LRRC4C: variants seen among roughly 807,000 people sequenced by gnomAD.
LRRC4C encodes leucine-rich repeat-containing protein 4C.
In LRRC4C, 5 loss-of-function variants were observed where a neutral mutation model predicts 33.6. The observed-to-expected ratio is 0.15, with a 90% CI of 0.08 to 0.31. The LOEUF (loss-of-function observed/expected upper bound fraction) is 0.31. Ranked by LOEUF, LRRC4C falls within the 10% of genes least tolerant of loss-of-function variation. The probability of loss-of-function intolerance (pLI) is 1.00; values close to 1 mark genes in which losing one functional copy is unlikely to be tolerated. For synonymous variants in LRRC4C, 329 were observed against 302.0 expected, an observed-to-expected ratio of 1.09 and a Z score of -0.93; for missense variants, 560 against 796.7, an observed-to-expected ratio of 0.70 and a Z score of 3.58.
chr11:41,054,883 T>G (rs1333985640), intron 1 of LRRC4C, among the ~76,000 whole-genome samples: 1 of 152,182 alleles, frequency 6.6e-6, no homozygotes, highest in East Asian at 1.9e-4. Flanking sequence ...TGGAAGGAGA[T>G]GTCATATGCT....
intron 3 of LRRC4C, among the ~76,000 whole-genome samples, chr11:40,529,058 C>T (rs1956171652): frequency 6.6e-6 from 1 of 152,040 alleles, no homozygotes; most frequent in Admixed American, 6.6e-5. Context: ...TTTTAGAGAC[C>T]TGCTCTGCAG....
chr11:40,515,732 A>AGCAAACCACCATGGCATGTGTAT (rs1955534118), intron 3 of LRRC4C, among the ~76,000 whole-genome samples: 1 of 152,110 alleles, frequency 6.6e-6, no homozygotes, highest in African/African-American at 2.4e-5. Flanking sequence ...TAAAATTTCC[A>AGCAAACCACCATGGCATGTGTAT]ACAATTATTA....
chr11:41,150,915 G>GA (rs1943967840), intron 1 of LRRC4C, among the ~76,000 whole-genome samples: 1 of 152,084 alleles, frequency 6.6e-6, no homozygotes, highest in African/African-American at 2.4e-5. Flanking sequence ...GATGATGGGA[G>GA]AAAAAATTGG....
chr11:40,743,788 C>T (rs371295228), intron 2 of LRRC4C, among the ~76,000 whole-genome samples: 2 of 151,970 alleles, frequency 1.3e-5, no homozygotes, highest in African/African-American at 4.8e-5. Flanking sequence ...CAGAAAGGTC[C>T]AGCTCCTTCA....
chr11:40,785,910 A>G (rs1950393390), intron 2 of LRRC4C, among the ~76,000 whole-genome samples: 1 of 152,178 alleles, frequency 6.6e-6, no homozygotes, highest in African/African-American at 2.4e-5. Context: ...TGTTGGAAAA[A>G]AAAACGGAAG....
chr11:40,858,395 G>A (rs1166481779), intron 2 of LRRC4C, among the ~76,000 whole-genome samples: 1 of 151,880 alleles, frequency 6.6e-6, no homozygotes, highest in Non-Finnish European at 1.5e-5. Flanking sequence ...AAGATCAATA[G>A]TATTTTAAAA....
chr11:41,265,951 TACA>T (rs1386219263), intron 1 of LRRC4C, among the ~76,000 whole-genome samples: 1 of 152,064 alleles, frequency 6.6e-6, no homozygotes, highest in Non-Finnish European at 1.5e-5. Flanking sequence ...GTGGATGAGA[TACA>T]ACACTTGATA....
At chr11:40,960,700 A>G (rs550418329) in intron 1 of LRRC4C, among the ~76,000 whole-genome samples, 70 of 151,902 alleles carry the variant, frequency 4.6e-4, no homozygotes, top group African/African-American at 1.6e-3. Context: ...GGCTCAAGGT[A>G]TATCTTAGTT....
chr11:40,246,498 T>G lies in LRRC4C; in HGVS notation c.-175-4900A>C, dbSNP rs576844062. ...TCTTTGAGGTGACATACATGATAGA[T>G]TCATTCTTCTAACTTAACTGTGATG... On this transcript the variant is annotated intron_variant, in intron 4 of 6. Coordinates refer to ENST00000528697, the MANE Select transcript of LRRC4C (RefSeq NM_001258419.2). Among the ~76,000 whole-genome samples, 7 of 152,304 alleles carry G rather than the reference T, an allele frequency of 4.6e-5. No homozygotes were observed. The East Asian group carries it at 1.4e-3, about 29-fold the overall frequency.
At chr11:40,850,890 C>T (rs1043238701) in intron 2 of LRRC4C, among the ~76,000 whole-genome samples, 19 of 152,186 alleles carry the variant, frequency 1.2e-4, no homozygotes, top group African/African-American at 3.1e-4. Context: ...TGGTGGGCTC[C>T]GCCCAGTCCA....
At chr11:40,289,599 C>T (rs1944059037) in intron 4 of LRRC4C, among the ~76,000 whole-genome samples, 1 of 152,292 alleles carries the variant, frequency 6.6e-6, no homozygotes, top group South Asian at 2.1e-4. Flanking sequence ...GTTTCCAGCT[C>T]TGTCATGGCC....
rs368849849 is a variant in LRRC4C, at chr11:40,768,461, C to T, written c.-406-120183G>A. ...GAGCAGGAACACCTACAAACTCATT[C>T]CAAACTTCTACCCCACCCAAATTCA... On this transcript the variant is annotated intron_variant, in intron 2 of 6. Transcript: ENST00000528697. Among the ~76,000 whole-genome samples, 25 of 151,958 alleles carry T rather than the reference C, an allele frequency of 1.6e-4. 3 individuals carry two copies. In the East Asian group the frequency reaches 2.3e-3, roughly 14 times the overall value.
chr11:40,319,302 T>C (rs10742537), intron 4 of LRRC4C, among the ~76,000 whole-genome samples: 144,135 of 152,128 alleles, frequency 0.95, 68,786 homozygotes, highest in Middle Eastern at 1. Flanking sequence ...AGTGGGCTAC[T>C]TGAAGGAAGA....
At chr11:40,296,058 G>GT (rs71461164) in intron 4 of LRRC4C, among the ~76,000 whole-genome samples, 58 of 152,044 alleles carry the variant, frequency 3.8e-4, no homozygotes, top group African/African-American at 1.4e-3. Context: ...CCAATGATTT[G>GT]TTTTTTTCAG....
chr11:40,210,618 A>G (rs143473057), intron 5 of LRRC4C, among the ~76,000 whole-genome samples: 16 of 151,942 alleles, frequency 1.1e-4, no homozygotes, highest in Middle Eastern at 3.4e-3. Context: ...GTCTCCTACA[A>G]CTCACCCTTT....
At chr11:41,272,630 A>T (rs1949356887) in intron 1 of LRRC4C, among the ~76,000 whole-genome samples, 1 of 152,136 alleles carries the variant, frequency 6.6e-6, no homozygotes, top group Non-Finnish European at 1.5e-5. Flanking sequence ...AGCACGTATT[A>T]AAAAAACTGC....
chr11:40,345,080 A>G (rs1449990897), intron 3 of LRRC4C, among the ~76,000 whole-genome samples: 6 of 152,192 alleles, frequency 3.9e-5, no homozygotes, highest in Admixed American at 6.5e-5. Flanking sequence ...ACACTGCCCA[A>G]AGTAATTTAC....
At chr11:41,068,697 CA>C (rs767649018) in intron 1 of LRRC4C, among the ~76,000 whole-genome samples, 32 of 152,022 alleles carry the variant, frequency 2.1e-4, no homozygotes, top group Non-Finnish European at 4.1e-4. Flanking sequence ...TACTTATTCC[CA>C]GGAATAAGTC....
intron 1 of LRRC4C, among the ~76,000 whole-genome samples, chr11:41,354,449 A>T (rs1565606772): frequency 6.6e-6 from 1 of 152,134 alleles, no homozygotes. Context: ...TCAGATGCCC[A>T]AAGTAATTGC....
Sources: allele counts gnomAD v4.1 joint callset (sites outside exome capture counted in the v4.1 genomes callset), GRCh38; gene constraint gnomAD v4.1.1; transcripts MANE v1.5; gene names NCBI Gene and HGNC (gene_info 2026-07-23, HGNC 2026-07-21).